The following TGFBRAP1 variants were observed in gnomAD, a reference collection of about 807,000 sequenced individuals.
TGFBRAP1 encodes the protein transforming growth factor beta receptor associated protein 1.
A neutral mutation model predicts 83.2 loss-of-function variants in TGFBRAP1; 20 were observed. That is an observed-to-expected ratio of 0.24 (90% CI 0.17 to 0.35). The LOEUF (loss-of-function observed/expected upper bound fraction) is 0.35, where lower values mean the gene tolerates loss of function less well. Among genes scored for constraint, TGFBRAP1 ranks in the 10% least tolerant of loss-of-function variants. The probability of loss-of-function intolerance (pLI) is 1.00; values close to 1 mark genes in which losing one functional copy is unlikely to be tolerated. For synonymous variants in TGFBRAP1, 415 were observed against 459.8 expected (o/e 0.90, Z 1.25); for missense variants, 950 against 1,099.4 (o/e 0.86, Z 1.92).
rs115711878 is a variant in TGFBRAP1, at chr2:105,275,919, T to A, written c.1522-216A>T. Among the ~76,000 whole-genome samples, 212 of 152,130 alleles carry A rather than the reference T, an allele frequency of 1.4e-3. No homozygotes were observed. The highest frequency in any genetic ancestry group is 4.8e-3 in the African/African-American group (199 of 41,502). On this transcript the variant is annotated intron_variant, in intron 7 of 11. Coordinates refer to ENST00000393359, the MANE Select transcript of TGFBRAP1 (RefSeq NM_004257.6). ...ATAGTCCAAGAAATAAAAAAAAAAATTAAGCTCTAGGTTCTTTTATCTTTC... is the reference window on the plus strand; with the variant it reads ...ATAGTCCAAGAAATAAAAAAAAAAAATAAGCTCTAGGTTCTTTTATCTTTC...
chr2:105,267,690 C>G (rs1010985973), intron 11 of TGFBRAP1, 131 bp from the exon 12 acceptor site: 2 of 1,476,186 alleles, frequency 1.4e-6, no homozygotes, highest in African/African-American at 1.4e-5. Context: ...TCTTTAATAT[C>G]AACTTCTTGA....
intron 1 of TGFBRAP1, among the ~76,000 whole-genome samples, chr2:105,312,186 T>A (rs1398094363): frequency 6.6e-6 from 1 of 152,100 alleles, no homozygotes; most frequent in Non-Finnish European, 1.5e-5. Flanking sequence ...TGTTAGAACT[T>A]CACTTTAAGG....
the TGFBRAP1 span, among the ~76,000 whole-genome samples, chr2:105,253,851 C>T: frequency 6.6e-5 from 10 of 152,264 alleles, no homozygotes; most frequent in African/African-American, 2.2e-4. Flanking sequence ...GTTTTTAAAA[C>T]TAGTTTTATT....
At chr2:105,301,052 G>A (rs62154719) in intron 2 of TGFBRAP1, among the ~76,000 whole-genome samples, 13,858 of 151,294 alleles carry the variant, frequency 0.092, 794 homozygotes, top group Non-Finnish European at 0.13. Flanking sequence ...GGTGAAACCC[G>A]GTTGCTACAA....
At chr2:105,284,081 C>T (rs1048892145) in intron 5 of TGFBRAP1, among the ~76,000 whole-genome samples, 4 of 152,070 alleles carry the variant, frequency 2.6e-5, no homozygotes, top group Admixed American at 2.6e-4. Flanking sequence ...GTGTCTGTGC[C>T]CTTTGTCTGC....
At position 105,316,475 on chromosome 2, in the gene TGFBRAP1, G is replaced by A. The variant is rs1447969465; in HGVS notation, c.-17-8157C>T. ...TGTGTGTGTGTGTGCGCGCGCGCGCGCGCGCACGCGCACATAACTCAAAAA... is the reference window on the plus strand; with the variant it reads ...TGTGTGTGTGTGTGCGCGCGCGCGCACGCGCACGCGCACATAACTCAAAAA... On this transcript the variant is annotated intron_variant, in intron 1 of 11. Coordinates refer to ENST00000393359, the MANE Select transcript of TGFBRAP1 (RefSeq NM_004257.6). 6.6e-3 allele frequency among the ~76,000 whole-genome samples: 512 copies of A among 77,552 alleles called. 6 individuals carry two copies. Among genetic ancestry groups the A allele is most frequent in the African/African-American group, 0.02 (459 of 23,518 alleles). The allele number at this position is 77,552 out of a possible 152,430, so 50.9% of individuals were successfully genotyped here.
At position 105,285,317 on chromosome 2, in the gene TGFBRAP1, C is replaced by T. The variant is rs114630931; in HGVS notation, c.1039-919G>A. On this transcript the variant is annotated intron_variant, in intron 4 of 11. Coordinates refer to ENST00000393359, the MANE Select transcript of TGFBRAP1 (RefSeq NM_004257.6). ...CTCACCTAGCGTCTCCCACTACTAG[C>T]CATGTGTCTGCCATTCAGTCGGTGC... Among the ~76,000 whole-genome samples the T allele has an allele frequency of 4.2e-3, 633 of 152,348 alleles. 9 individuals are homozygous for T. Among genetic ancestry groups the T allele is most frequent in the African/African-American group, 0.014 (599 of 41,580 alleles).
chr2:105,278,068 ATGTGTGTGTGTGTGTGTGTGTGTG>A (rs56983977), intron 6 of TGFBRAP1, among the ~76,000 whole-genome samples: 2 of 145,422 alleles, frequency 1.4e-5, no homozygotes, highest in Non-Finnish European at 3.0e-5. Flanking sequence ...CAAAAAATAT[ATGTGTGTGTGTGTGTGTGTGTGTG>A]TGTGTGTGTG....
the TGFBRAP1 span, among the ~76,000 whole-genome samples, chr2:105,253,647 C>T: frequency 1.3e-5 from 2 of 152,056 alleles, no homozygotes; most frequent in Non-Finnish European, 2.9e-5. Flanking sequence ...GTTGCCCAGG[C>T]TCATCTGGAA....
intron 3 of TGFBRAP1, 74 bp downstream of exon 3, chr2:105,298,437 T>C: frequency 1.3e-6 from 2 of 1,487,124 alleles, no homozygotes; most frequent in Non-Finnish European, 1.8e-6. Flanking sequence ...GCCCAGTTCC[T>C]AAATGATATT....
At chr2:105,290,843 G>T (rs894005012) in intron 4 of TGFBRAP1, among the ~76,000 whole-genome samples, 2 of 151,842 alleles carry the variant, frequency 1.3e-5, no homozygotes, top group African/African-American at 2.4e-5. Context: ...CATCTCTACT[G>T]AAAATACAAA....
intron 1 of TGFBRAP1, among the ~76,000 whole-genome samples, chr2:105,316,643 G>A (rs546751546): frequency 9.2e-5 from 14 of 151,744 alleles, no homozygotes; most frequent in African/African-American, 3.1e-4. Context: ...GGTGAAACCC[G>A]TCTCTACTAA....
At chr2:105,295,254 C>T (rs1678043970) in intron 4 of TGFBRAP1, among the ~76,000 whole-genome samples, 1 of 152,148 alleles carries the variant, frequency 6.6e-6, no homozygotes, top group Non-Finnish European at 1.5e-5. Context: ...CATAAAGCAC[C>T]TGAGGCCAAA....
At chr2:105,306,193 G>GCTGGGAT (rs1296594776) in intron 2 of TGFBRAP1, among the ~76,000 whole-genome samples, 1 of 151,584 alleles carries the variant, frequency 6.6e-6, no homozygotes, top group Non-Finnish European at 1.5e-5. Context: ...TTCCTGAGTA[G>GCTGGGAT]CTGGGATTAC....
At chr2:105,279,626 T>C (rs1169523034) in intron 6 of TGFBRAP1, among the ~76,000 whole-genome samples, 1 of 123,060 alleles carries the variant, frequency 8.1e-6, no homozygotes, top group East Asian at 2.0e-4. Flanking sequence ...TTTGAATCTG[T>C]TTATCTAGCT....
At chr2:105,255,644 C>G in the TGFBRAP1 span, among the ~76,000 whole-genome samples, 2 of 152,164 alleles carry the variant, frequency 1.3e-5, no homozygotes, top group East Asian at 3.8e-4. Context: ...GCAAAACAAC[C>G]ATTCCAGGGC....
intron 1 of TGFBRAP1, among the ~76,000 whole-genome samples, chr2:105,319,837 G>A (rs901798293): frequency 2.7e-5 from 4 of 149,662 alleles, no homozygotes; most frequent in Non-Finnish European, 4.4e-5. Flanking sequence ...ATACATATAT[G>A]TATGTGTGTA....
chr2:105,255,565 C>T, the TGFBRAP1 span, among the ~76,000 whole-genome samples: 1 of 139,794 alleles, frequency 7.2e-6, no homozygotes, highest in African/African-American at 2.5e-5. Flanking sequence ...AAGCGGTCCT[C>T]CTCCCTTGGC....
intron 7 of TGFBRAP1, among the ~76,000 whole-genome samples, chr2:105,276,097 T>C (rs1448127988): frequency 6.6e-6 from 1 of 152,198 alleles, no homozygotes; most frequent in Non-Finnish European, 1.5e-5. Context: ...TCTGTTTCCA[T>C]CTTCTCCGTC....
Sources: gnomAD v4.1 joint callset for allele counts (sites outside exome capture counted in the v4.1 genomes callset) on GRCh38, gnomAD v4.1.1 for gene constraint, MANE v1.5 for transcripts, NCBI Gene and HGNC (gene_info 2026-07-23, HGNC 2026-07-21) for gene names.